Variants in OOSP4B observed in about 807,000 individuals in gnomAD.
OOSP4B encodes the protein oocyte secreted protein family member 4B.
intron 1 of OOSP4B, among the ~76,000 whole-genome samples, chr11:60,019,835 T>A (rs951464875): frequency 6.6e-6 from 1 of 152,224 alleles, no homozygotes; most frequent in Non-Finnish European, 1.5e-5. Flanking sequence ...TTCCCTTATC[T>A]GGCCCCACCC....
rs541757756 is a variant in OOSP4B, at chr11:60,017,419, T to C, written c.22+6T>C. 85 of 398,644 alleles carry C rather than the reference T, an allele frequency of 2.1e-4. No homozygotes were observed. Among genetic ancestry groups the C allele is most frequent in the Admixed American group, 4.8e-4 (11 of 22,738 alleles). The allele number at this position is 398,644 out of a possible 1,614,324, so 24.7% of individuals were successfully genotyped here. ...GAAGACCTCTGTGCTCTTAGGTAGG[T>C]CCTTCCTCTTTTCTTTATTGTTTTG... On this transcript the variant is annotated splice_donor_region_variant and intron_variant, in intron 1 of 4. Transcript: ENST00000642343.
At chr11:60,027,367 G>A (rs574533424) in intron 3 of OOSP4B, among the ~76,000 whole-genome samples, 3 of 152,100 alleles carry the variant, frequency 2.0e-5, no homozygotes, top group Non-Finnish European at 4.4e-5. Context: ...CCCTGACCAT[G>A]AGGAATTTTT....
chr11:60,027,424 T>G (rs1565050031), intron 3 of OOSP4B, among the ~76,000 whole-genome samples: 1 of 151,848 alleles, frequency 6.6e-6, no homozygotes, highest in Non-Finnish European at 1.5e-5. Flanking sequence ...GGGTAGAAAA[T>G]GTACCTCTGT....
chr11:60,029,050 C>A (rs181077272), intron 3 of OOSP4B, among the ~76,000 whole-genome samples: 1 of 152,172 alleles, frequency 6.6e-6, no homozygotes, highest in African/African-American at 2.4e-5. Flanking sequence ...CTTATCTATT[C>A]GCAGTCCATT....
intron 3 of OOSP4B, among the ~76,000 whole-genome samples, chr11:60,027,476 G>GC (rs1255398480): frequency 1.3e-5 from 2 of 151,618 alleles, no homozygotes; most frequent in Non-Finnish European, 2.9e-5. Flanking sequence ...TGTTCTTCCA[G>GC]CCCCCAATGT....
At chr11:60,023,617 T>C (rs1017022385) in intron 1 of OOSP4B, among the ~76,000 whole-genome samples, 2 of 152,002 alleles carry the variant, frequency 1.3e-5, no homozygotes, top group Admixed American at 1.3e-4. Context: ...GCATTTTTAG[T>C]AGAGATGGGT....
intron 3 of OOSP4B, among the ~76,000 whole-genome samples, chr11:60,027,938 T>TA (rs200823227): frequency 2.9e-4 from 42 of 144,710 alleles, no homozygotes; most frequent in Non-Finnish European, 3.5e-4. Context: ...AGATTGTCTT[T>TA]AAAAAAAAAA....
intron 1 of OOSP4B, among the ~76,000 whole-genome samples, chr11:60,019,022 G>A (rs1854655740): frequency 6.6e-6 from 1 of 152,020 alleles, no homozygotes; most frequent in African/African-American, 2.4e-5. Context: ...TTCGAGACCA[G>A]CCTGACCAAT....
intron 1 of OOSP4B, chr11:60,021,955 G>A (rs1854694330): frequency 2.2e-5 from 3 of 138,634 alleles, no homozygotes; most frequent in African/African-American, 8.3e-5. Flanking sequence ...CTGCACTCCA[G>A]CCTGGGTGAC....
chr11:60,017,844 A>C (rs568222195), intron 1 of OOSP4B, among the ~76,000 whole-genome samples: 1 of 152,320 alleles, frequency 6.6e-6, no homozygotes, highest in African/African-American at 2.4e-5. Flanking sequence ...CTCTTGGCCT[A>C]TCCATGGTGC....
At chr11:60,024,021 C>T (rs989377036) in exon 2 of OOSP4B, 16 of 398,376 alleles carry the variant, frequency 4.0e-5, no homozygotes, top group South Asian at 1.3e-4. Context: ...TTTAACTACG[C>T]GTTTTCTTAT....
chr11:60,019,361 A>G, intron 1 of OOSP4B: 1 of 166,998 alleles, frequency 6.0e-6, no homozygotes, highest in Middle Eastern at 2.7e-3. Context: ...TAAAAATACA[A>G]AAATTAGCCA....
intron 1 of OOSP4B, among the ~76,000 whole-genome samples, chr11:60,020,027 A>T (rs1287035454): frequency 6.6e-6 from 1 of 152,156 alleles, no homozygotes; most frequent in African/African-American, 2.4e-5. Context: ...CTAGATACAG[A>T]GTGTGGACTG....
At chr11:60,023,052 G>A (rs930115492) in intron 1 of OOSP4B, among the ~76,000 whole-genome samples, 8 of 152,268 alleles carry the variant, frequency 5.3e-5, no homozygotes, top group African/African-American at 1.9e-4. Context: ...TAAGTTCTAG[G>A]CAGTGTTCCA....
At position 60,021,851 on chromosome 11, in the gene OOSP4B, G is replaced by A. The variant is rs552919321; in HGVS notation, c.23-2029G>A. Among the ~76,000 whole-genome samples the A allele has an allele frequency of 3.5e-3, 536 of 152,176 alleles. 1 individual carries two copies. Among genetic ancestry groups the A allele is most frequent in the African/African-American group, 0.012 (500 of 41,502 alleles). On this transcript the variant is annotated intron_variant, in intron 1 of 4. Coordinates refer to ENST00000642343, the Ensembl canonical transcript of OOSP4B. ...ATACAAAAAGTAGCTGGGTGTGGTG[G>A]CACATGCCTGTAGTCCTAGCTACTC...
At chr11:60,019,616 G>A (rs999101875) in intron 1 of OOSP4B, 2 of 152,780 alleles carry the variant, frequency 1.3e-5, no homozygotes, top group Non-Finnish European at 2.9e-5. Flanking sequence ...CGCGTCTGGA[G>A]TTGTTTGTTC....
In OOSP4B at chr11:60,029,930, G is replaced by C. The variant is rs1411570350; in HGVS notation, c.450+1G>C. ...ACTTAATTTTAACAGTGTTAATAAG[G>C]TGAGAATATTAAGGTTGTTTATTTT... is the stretch of plus-strand genomic sequence containing the variant. On this transcript the variant is annotated splice_donor_variant, in intron 4 of 4. Transcript: ENST00000642343. LOFTEE classifies it high-confidence loss of function. The C allele has an allele frequency of 5.0e-6, 2 of 398,282 alleles. No individual in the cohort carries two copies. The highest frequency in any genetic ancestry group is 8.9e-6 in the Non-Finnish European group (2 of 225,854). The allele number at this position is 398,282 out of a possible 1,614,324, so 24.7% of individuals were successfully genotyped here.
At chr11:60,023,288 C>T (rs1854712704) in intron 1 of OOSP4B, among the ~76,000 whole-genome samples, 1 of 152,102 alleles carries the variant, frequency 6.6e-6, no homozygotes, top group Non-Finnish European at 1.5e-5. Flanking sequence ...AATTGTGCTA[C>T]AAATACAAAA....
chr11:60,024,003 T>A (rs1854720520), exon 2 of OOSP4B: 1 of 398,588 alleles, frequency 2.5e-6, no homozygotes, highest in African/African-American at 2.1e-5. Context: ...GTAACAAGAC[T>A]GTTGTCATTT....
Sources: allele counts gnomAD v4.1 joint callset (sites outside exome capture counted in the v4.1 genomes callset), GRCh38; gene constraint gnomAD v4.1.1; transcripts MANE v1.5; gene names NCBI Gene and HGNC (gene_info 2026-07-23, HGNC 2026-07-21).